Variants in FLNC observed in about 807,000 individuals in gnomAD.
FLNC encodes the protein filamin C.
FLNC carries 91 observed loss-of-function variants against 254.3 expected under a neutral mutation model. That is an observed-to-expected ratio of 0.36 (90% CI 0.30 to 0.43). The LOEUF (loss-of-function observed/expected upper bound fraction) is 0.43. FLNC is among the 20% of genes least tolerant of loss of function. The probability of loss-of-function intolerance (pLI) is 1.00; values close to 1 mark genes in which losing one functional copy is unlikely to be tolerated. For synonymous variants in FLNC, 1,430 were observed against 1,577.2 expected, an observed-to-expected ratio of 0.91 and a Z score of 2.21; for missense variants, 2,853 against 3,802.6, an observed-to-expected ratio of 0.75 and a Z score of 6.57.
intron 2 of FLNC, 86 bp from the exon 3 acceptor site, chr7:128,837,074 C>A: frequency 2.2e-6 from 2 of 926,540 alleles, no homozygotes; most frequent in Non-Finnish European, 1.7e-6. Flanking sequence ...AAAGCCACAG[C>A]CTCTGAGGGT....
intron 8 of FLNC, among the ~76,000 whole-genome samples, 168 bp downstream of exon 8, chr7:128,838,971 G>A (rs1400220532): frequency 6.6e-6 from 1 of 152,206 alleles, no homozygotes; most frequent in Non-Finnish European, 1.5e-5. Context: ...AGGCCACAGT[G>A]AAGGGTCCCA....
Position 128,838,798 on chromosome 7 carries a change from C to T in FLNC, c.1406C>T (p.Ser469Leu), listed in dbSNP as rs1279257124. The change falls in exon 8 of 48, where the codon TCG (serine) becomes TTG (leucine). Residue 469 changes from serine to leucine, a missense_variant. Ser to Leu is a moderately radical substitution (Grantham distance 145). Around this residue, in one of 10 missense-constraint regions of FLNC, gnomAD observed 1,573 missense variants for 1,883.5 expected, o/e 0.84. Coordinates refer to ENST00000325888, the MANE Select transcript of FLNC (RefSeq NM_001458.5). ...ITRSPFPVHV[S>L]EACNPNACRA... ...CGCAGTCCCTTCCCTGTCCATGTGT[C>T]GGAAGGTAAGGGCCCTTCACTGCTC... The T allele has an allele frequency of 8.1e-6, 13 of 1,612,430 alleles. No individual in the cohort carries two copies. Among genetic ancestry groups the T allele is most frequent in the African/African-American group, 2.7e-5 (2 of 74,910 alleles).
rs1405868407 is a variant in FLNC, at chr7:128,857,247, C to T, written c.7691C>T (p.Thr2564Ile). The T allele has an allele frequency of 1.9e-6, 3 of 1,614,030 alleles. No individual in the cohort carries two copies. The highest frequency in any genetic ancestry group is 4.5e-5 in the East Asian group (2 of 44,888). The change falls in exon 46 of 48, where the codon ACT becomes ATT. Residue 2564 changes from threonine (T) to isoleucine (I), a missense_variant. Transcript: ENST00000325888. The surrounding 1 kb of genome is among the most constrained non-coding windows in gnomAD (Gnocchi z 4.5). ...ECPEGHVVTY[T>I]PMAPGNYLIA... ...CCTGAGGGCCATGTGGTCACTTATACTCCCATGGCCCCTGGCAACTACCTC... is the reference window on the plus strand; with the variant it reads ...CCTGAGGGCCATGTGGTCACTTATATTCCCATGGCCCCTGGCAACTACCTC...
At position 128,835,563 on chromosome 7, in the gene FLNC, A is replaced by T; in HGVS notation, c.590A>T (p.Asn197Ile). The T allele has an allele frequency of 6.2e-7, 1 of 1,613,264 alleles. No homozygotes were observed. Among genetic ancestry groups the T allele is most frequent in the Non-Finnish European group, 8.5e-7 (1 of 1,180,020 alleles). Residue 197 changes from asparagine to isoleucine, a missense_variant, in exon 2 of 48, where the codon AAC becomes ATC. Asn to Ile is a moderately radical substitution (Grantham distance 149). This residue lies in a region of FLNC where 115 missense variants were observed against 230.3 expected (regional missense o/e 0.50). Transcript: ENST00000325888. This position sits in a 1 kb window ranked among gnomAD's most constrained non-coding sequence, Gnocchi z 5.3. Reference protein sequence around the residue: ...DGKALGALVDNCAPGLCPDWE... With the variant: ...DGKALGALVDICAPGLCPDWE... ...AAAGCTCTGGGCGCCCTGGTGGACA[A>T]CTGCGCCCCCGGTGAGTGGGCCAGT...
At position 128,848,754 on chromosome 7, in the gene FLNC, C is replaced by G. The variant is rs749081887; in HGVS notation, c.4737+37C>G. 14 of 1,614,130 alleles carry G rather than the reference C, an allele frequency of 8.7e-6. No individual in the cohort carries two copies. The South Asian group carries it at 1.2e-4, about 14-fold the overall frequency. On this transcript the variant is annotated intron_variant, in intron 27 of 47. Coordinates refer to ENST00000325888, the MANE Select transcript of FLNC (RefSeq NM_001458.5). ...TGCATCCCACCCCGCAGGTCATGCT[C>G]CAGGCACAGGCGGGCCTTGACCTCT...
rs542976626 is a variant in FLNC, at chr7:128,848,013, A to G, written c.4525A>G (p.Thr1509Ala). The change falls in exon 26 of 48, where the codon ACT becomes GCT. Residue 1509 changes from threonine to alanine, a missense_variant. By Grantham distance (58) the Thr-to-Ala change is moderately conservative (BLOSUM62 0). Coordinates refer to ENST00000325888, the MANE Select transcript of FLNC (RefSeq NM_001458.5). ...GTHTVHYTPA[T>A]DGPYTVAVKY... ...CCACACTGTCCACTACACCCCAGCCACTGACGGGCCCTACACGGTAGCCGT... is the reference window on the plus strand; with the variant it reads ...CCACACTGTCCACTACACCCCAGCCGCTGACGGGCCCTACACGGTAGCCGT... The G allele has an allele frequency of 3.7e-6, 6 of 1,608,492 alleles. No homozygotes were observed. The African/African-American group carries it at 8.0e-5, about 21-fold the overall frequency.
intron 35 of FLNC, among the ~76,000 whole-genome samples, chr7:128,852,115 C>T (rs780187474): frequency 1.4e-4 from 21 of 152,150 alleles, no homozygotes; most frequent in Non-Finnish European, 2.6e-4. Context: ...CCACCTGCCT[C>T]GGCCTCCCAA....
chr7:128,852,637 G>A lies in FLNC; in HGVS notation c.5889G>A (p.Thr1963=), dbSNP rs374743518. The change falls in exon 36 of 48, where the codon ACG becomes ACA. Residue 1963 remains threonine, a synonymous_variant. Transcript: ENST00000325888. ...CACAGCTGAATGTGGGCACCTCCACGGACGTGTCACTGAAGATCACCGAGA... is the reference window on the plus strand; with the variant it reads ...CACAGCTGAATGTGGGCACCTCCACAGACGTGTCACTGAAGATCACCGAGA... ...RTSQLNVGTS[T]DVSLKITESD... The A allele has an allele frequency of 1.8e-4, 291 of 1,613,308 alleles. No individual in the cohort carries two copies. The highest frequency in any genetic ancestry group is 4.6e-4 in the South Asian group (42 of 91,082).
rs1585172108 is a variant in FLNC, at chr7:128,857,006, C to T, written c.7561+85C>T. ...TGCTGCTTTGCTCCAGAGGTAGGGGCCCTGCTTCCTAAGCCAGGAGTCCCC... is the reference window on the plus strand; with the variant it reads ...TGCTGCTTTGCTCCAGAGGTAGGGGTCCTGCTTCCTAAGCCAGGAGTCCCC... On this transcript the variant is annotated intron_variant, in intron 45 of 47. Coordinates refer to ENST00000325888, the MANE Select transcript of FLNC (RefSeq NM_001458.5). The surrounding 1 kb of genome is among the most constrained non-coding windows in gnomAD (Gnocchi z 4.5). 1.3e-6 allele frequency: 2 copies of T among 1,574,670 alleles called. No individual in the cohort carries two copies. The highest frequency in any genetic ancestry group is 2.2e-5 in the East Asian group (1 of 44,680).
chr7:128,836,649 A>C lies in FLNC; in HGVS notation c.602-511A>C, dbSNP rs1312793153. Among the ~76,000 whole-genome samples, 2 of 152,200 alleles carry C rather than the reference A, an allele frequency of 1.3e-5. No homozygotes were observed. Among genetic ancestry groups the C allele is most frequent in the Non-Finnish European group, 2.9e-5 (2 of 68,026 alleles). Reference sequence around the variant, plus strand: ...GCCCTTTAATGCCTCAGTTTCCCCAAGTGAGCAGTTAGAAGGAATAGGGAG... The same window carrying C: ...GCCCTTTAATGCCTCAGTTTCCCCACGTGAGCAGTTAGAAGGAATAGGGAG... On this transcript the variant is annotated intron_variant, in intron 2 of 47. Transcript: ENST00000325888. The surrounding 1 kb of genome is among the most constrained non-coding windows in gnomAD (Gnocchi z 6.0).
intron 1 of FLNC, among the ~76,000 whole-genome samples, chr7:128,834,690 A>G (rs879925141): frequency 1.1e-4 from 17 of 152,316 alleles, no homozygotes; most frequent in African/African-American, 3.8e-4. Context: ...ACCAAAAAAA[A>G]AGAGAGTATA....
intron 16 of FLNC, 86 bp downstream of exon 16, chr7:128,843,040 G>C (rs889121044): frequency 7.2e-6 from 11 of 1,524,842 alleles, no homozygotes; most frequent in Non-Finnish European, 9.9e-6. Context: ...GAACAGGGAG[G>C]GATGATTCCG....
At chr7:128,840,242 GGCAGTGACA>G (rs1808274743) in intron 9 of FLNC, 82 bp downstream of exon 9, 1 of 1,535,052 alleles carries the variant, frequency 6.5e-7, no homozygotes, top group Non-Finnish European at 8.9e-7. Context: ...ACTCCCAGAG[GGCAGTGACA>G]GCCAGCACCA....
In FLNC at chr7:128,854,577, C is replaced by T. The variant is rs1554401403; in HGVS notation, c.6892C>T (p.Pro2298Ser). 6.2e-7 allele frequency: 1 copy of T among 1,609,332 alleles called. No homozygotes were observed. Among genetic ancestry groups the T allele is most frequent in the Non-Finnish European group, 8.5e-7 (1 of 1,178,372 alleles). Residue 2298 changes from proline (P) to serine (S), a missense_variant, in exon 41 of 48, where the codon CCC becomes TCC. Pro to Ser is a moderately conservative substitution (Grantham distance 74). This residue lies in a region of FLNC where 551 missense variants were observed against 835.0 expected (regional missense o/e 0.66). Transcript: ENST00000325888. ...TGTCAAGTACCGTGGCCAGCACGTG[C>T]CCGGCAGCCCCTTTCAGTTCACTGT... Reference protein sequence around the residue: ...VAVKYRGQHVPGSPFQFTVGP... With the variant: ...VAVKYRGQHVSGSPFQFTVGP...
At chr7:128,833,619 G>T (rs75856369) in intron 1 of FLNC, among the ~76,000 whole-genome samples, 1 of 84,508 alleles carries the variant, frequency 1.2e-5, no homozygotes, top group African/African-American at 7.5e-5. Context: ...TATACACACC[G>T]CCCCCCCCAA....
chr7:128,833,754 T>C (rs775102025), intron 1 of FLNC, among the ~76,000 whole-genome samples: 1 of 152,194 alleles, frequency 6.6e-6, no homozygotes, highest in Non-Finnish European at 1.5e-5. Context: ...GCATCCAGAC[T>C]GTGTGAAAGT....
chr7:128,838,050 G>C lies in FLNC; in HGVS notation c.1033G>C (p.Ala345Pro), dbSNP rs775285376. 1.2e-6 allele frequency: 2 copies of C among 1,613,606 alleles called. No homozygotes were observed. Among genetic ancestry groups the C allele is most frequent in the Admixed American group, 3.3e-5 (2 of 60,014 alleles). The change falls in exon 6 of 48, where the codon GCT becomes CCT. Residue 345 changes from alanine (A) to proline (P), a missense_variant. Physicochemically the swap from Ala to Pro is conservative, Grantham distance 27. Transcript: ENST00000325888. ...TGCTGTCTCCTATGTGCCCAAGGTC[G>C]CTGGGTTACACAAGGTATCTCCCTC... ...TYAVSYVPKV[A>P]GLHKVTVLFA... is the part of the protein sequence containing the mutation.
chr7:128,833,421 C>G (rs1416413354), intron 1 of FLNC, among the ~76,000 whole-genome samples: 1 of 152,210 alleles, frequency 6.6e-6, no homozygotes, highest in Non-Finnish European at 1.5e-5. Flanking sequence ...CCTGGTGGCG[C>G]TGAGCTCCTC....
intron 26 of FLNC, 149 bp downstream of exon 26, chr7:128,848,217 C>G: frequency 9.4e-7 from 1 of 1,068,958 alleles, no homozygotes; most frequent in Non-Finnish European, 1.4e-6. Flanking sequence ...CCGCTCTTCC[C>G]CGGGGCTCTC....
Sources: gnomAD v4.1 joint callset for allele counts (sites outside exome capture counted in the v4.1 genomes callset) on GRCh38, gnomAD v4.1.1 for gene constraint, gnomAD v4.1.1 regional missense constraint, Gnocchi (gnomAD v3.1) non-coding constraint, MANE v1.5 for transcripts, NCBI Gene and HGNC (gene_info 2026-07-23, HGNC 2026-07-21) for gene names.